Variants in RBFOX1 observed in about 807,000 individuals in gnomAD.
The protein encoded by RBFOX1 is RNA binding protein fox-1 homolog 1.
A neutral mutation model predicts 57.7 loss-of-function variants in RBFOX1; 8 were observed. The ratio of observed to expected loss-of-function variants is 0.14; its 90% CI spans 0.08 to 0.25. The LOEUF is 0.25. RBFOX1 is among the 10% of genes least tolerant of loss of function. RBFOX1 has a pLI of 1.00. For synonymous variants in RBFOX1, 326 were observed against 222.4 expected (o/e 1.47, Z -4.15); for missense variants, 611 against 548.5 (o/e 1.11, Z -1.14).
intron 1 of RBFOX1, among the ~76,000 whole-genome samples, chr16:5,290,912 T>C (rs987134999): frequency 3.9e-5 from 6 of 152,106 alleles, no homozygotes; most frequent in African/African-American, 1.4e-4. Context: ...TTGACCAGGC[T>C]GGTCTCAAAC....
intron 1 of RBFOX1, among the ~76,000 whole-genome samples, chr16:6,068,599 A>G (rs1180167632): frequency 6.6e-6 from 1 of 152,204 alleles, no homozygotes; most frequent in Non-Finnish European, 1.5e-5. Flanking sequence ...ATGATTTAGC[A>G]GGAGACAAGA....
chr16:7,007,369 G>C (rs554734445), intron 3 of RBFOX1, among the ~76,000 whole-genome samples: 9 of 152,310 alleles, frequency 5.9e-5, no homozygotes, highest in Admixed American at 3.9e-4. Context: ...TGCAGCTGGA[G>C]AAAGTCTTGT....
intron 2 of RBFOX1, among the ~76,000 whole-genome samples, chr16:6,627,387 C>T (rs1366100002): frequency 6.6e-6 from 1 of 152,036 alleles, no homozygotes; most frequent in Non-Finnish European, 1.5e-5. Flanking sequence ...GGAAGTGAGA[C>T]AGAGAAAGAG....
chr16:6,375,215 G>T (rs2152902536), intron 2 of RBFOX1, among the ~76,000 whole-genome samples: 1 of 152,116 alleles, frequency 6.6e-6, no homozygotes, highest in East Asian at 1.9e-4. Flanking sequence ...TGAACTTCAT[G>T]GGTGGCTTTC....
downstream of RBFOX1, among the ~76,000 whole-genome samples, chr16:5,604,773 G>A (rs1002241385): frequency 6.6e-6 from 1 of 152,024 alleles, no homozygotes; most frequent in Middle Eastern, 3.4e-3. Context: ...CCTTTTTCTT[G>A]CAGAAAAGGG....
At chr16:7,174,736 C>T (rs1018476959) in intron 4 of RBFOX1, among the ~76,000 whole-genome samples, 9 of 152,162 alleles carry the variant, frequency 5.9e-5, no homozygotes, top group African/African-American at 1.4e-4. Context: ...GCCAAGATTG[C>T]GCCATTGCAC....
chr16:7,168,952 A>G (rs910298082), intron 4 of RBFOX1, among the ~76,000 whole-genome samples: 6 of 152,202 alleles, frequency 3.9e-5, no homozygotes, highest in Non-Finnish European at 5.9e-5. Context: ...CCTTCCTTGG[A>G]TGAACTCCAT....
intron 4 of RBFOX1, among the ~76,000 whole-genome samples, chr16:7,349,269 C>G (rs1377983146): frequency 2.0e-5 from 3 of 152,160 alleles, no homozygotes; most frequent in African/African-American, 4.8e-5. Context: ...GGGAGACCAA[C>G]CAGACTTGCC....
At chr16:6,161,542 G>A (rs1018655475) in intron 1 of RBFOX1, among the ~76,000 whole-genome samples, 26 of 152,090 alleles carry the variant, frequency 1.7e-4, no homozygotes, top group African/African-American at 6.0e-4. Flanking sequence ...TTTAACATCC[G>A]CATCCAAACA....
chr16:7,165,005 G>C (rs1412011633), intron 4 of RBFOX1, among the ~76,000 whole-genome samples: 1 of 152,196 alleles, frequency 6.6e-6, no homozygotes, highest in African/African-American at 2.4e-5. Context: ...TATAAAACAA[G>C]TTGTGATAAT....
chr16:7,295,106 G>T (rs982145673), intron 4 of RBFOX1, among the ~76,000 whole-genome samples: 13 of 152,168 alleles, frequency 8.5e-5, no homozygotes, highest in African/African-American at 2.4e-4. Context: ...ACCTGATGTT[G>T]TGTGAGATAC....
intron 2 of RBFOX1, among the ~76,000 whole-genome samples, chr16:5,558,517 C>G (rs1321095889): frequency 6.6e-6 from 1 of 152,136 alleles, no homozygotes; most frequent in Non-Finnish European, 1.5e-5. Context: ...TACAAACTAC[C>G]TTAGTGACCA....
intron 3 of RBFOX1, among the ~76,000 whole-genome samples, chr16:6,994,198 T>A (rs1466304217): frequency 1.3e-5 from 2 of 152,062 alleles, no homozygotes; most frequent in East Asian, 3.9e-4. Context: ...TCTGCAAAAT[T>A]AGAAGGAGGA....
intron 3 of RBFOX1, among the ~76,000 whole-genome samples, chr16:6,671,042 C>T (rs985805670): frequency 1.3e-5 from 2 of 152,118 alleles, no homozygotes; most frequent in Admixed American, 1.3e-4. Flanking sequence ...TGGTATGTTG[C>T]AATTTGGTAG....
chr16:6,426,647 C>A (rs1230253452), intron 2 of RBFOX1, among the ~76,000 whole-genome samples: 1 of 152,240 alleles, frequency 6.6e-6, no homozygotes, highest in Non-Finnish European at 1.5e-5. Context: ...CAAAACAAAC[C>A]TACTCCTTCT....
intron 3 of RBFOX1, among the ~76,000 whole-genome samples, chr16:6,812,535 A>G (rs905022381): frequency 6.6e-6 from 1 of 151,936 alleles, no homozygotes; most frequent in Non-Finnish European, 1.5e-5. Flanking sequence ...CACCACGCCC[A>G]GCTAATTTTT....
chr16:6,561,667 T>G (rs1227168594), intron 2 of RBFOX1, among the ~76,000 whole-genome samples: 2 of 152,220 alleles, frequency 1.3e-5, no homozygotes, highest in East Asian at 3.8e-4. Context: ...TTATTTTATC[T>G]TTTTGTTTTT....
chr16:7,095,430 G>A (rs1448586146), intron 4 of RBFOX1, among the ~76,000 whole-genome samples: 2 of 152,138 alleles, frequency 1.3e-5, no homozygotes, highest in East Asian at 1.9e-4. Context: ...GAGTCACTGC[G>A]GCCAGCTTAG....
chr16:6,215,432 C>A (rs947543083), intron 1 of RBFOX1, among the ~76,000 whole-genome samples: 1 of 118,860 alleles, frequency 8.4e-6, no homozygotes, highest in African/African-American at 3.6e-5. Context: ...GGGAGAGGGA[C>A]AGGGAGAGAA....
Sources: gnomAD v4.1 joint callset for allele counts (sites outside exome capture counted in the v4.1 genomes callset) on GRCh38, gnomAD v4.1.1 for gene constraint, MANE v1.5 for transcripts, NCBI Gene and HGNC (gene_info 2026-07-23, HGNC 2026-07-21) for gene names.